SGCD: variants seen among roughly 807,000 people sequenced by gnomAD.
SGCD encodes the protein delta-sarcoglycan.
A neutral mutation model predicts 36.6 loss-of-function variants in SGCD; 18 were observed. That is an observed-to-expected ratio of 0.49 (90% CI 0.34 to 0.73). The LOEUF (loss-of-function observed/expected upper bound fraction) is 0.73, where lower values mean the gene tolerates loss of function less well. Among genes scored for constraint, SGCD ranks in the 30% least tolerant of loss-of-function variants. The probability of loss-of-function intolerance (pLI) is 0.01; values close to 1 mark genes in which losing one functional copy is unlikely to be tolerated. For synonymous variants in SGCD, 133 were observed against 130.6 expected (o/e 1.02, Z -0.12); for missense variants, 387 against 346.7 (o/e 1.12, Z -0.92).
upstream of SGCD, among the ~76,000 whole-genome samples, chr5:155,867,204 A>AAG (rs1318111292): frequency 6.6e-6 from 1 of 152,214 alleles, no homozygotes; most frequent in African/African-American, 2.4e-5. Flanking sequence ...CACCAAAGTA[A>AAG]AGAGAACAGG....
At chr5:156,062,242 T>A (rs1760234687) in intron 1 of SGCD, among the ~76,000 whole-genome samples, 2 of 61,768 alleles carry the variant, frequency 3.2e-5, no homozygotes, top group Admixed American at 3.2e-4. Context: ...TTCATCCATG[T>A]CCCTACAAAG....
chr5:156,396,043 G>A (rs1454931928), intron 3 of SGCD, among the ~76,000 whole-genome samples: 2 of 152,108 alleles, frequency 1.3e-5, no homozygotes, highest in Non-Finnish European at 2.9e-5. Flanking sequence ...TTAGAATTTT[G>A]AAAACTCAGA....
chr5:156,509,794 G>A (rs559947846), intron 4 of SGCD, among the ~76,000 whole-genome samples: 1 of 152,190 alleles, frequency 6.6e-6, no homozygotes, highest in East Asian at 1.9e-4. Context: ...AGTTGTGTGG[G>A]TTTCTTTTAG....
At chr5:155,811,329 A>AC in the SGCD span, among the ~76,000 whole-genome samples, 1 of 152,176 alleles carries the variant, frequency 6.6e-6, no homozygotes, top group Non-Finnish European at 1.5e-5. Context: ...TGAAACTAGC[A>AC]CCCAGTTCCA....
chr5:155,741,388 G>C, the SGCD span, among the ~76,000 whole-genome samples: 3 of 152,184 alleles, frequency 2.0e-5, no homozygotes, highest in East Asian at 1.9e-4. Context: ...CTGTAAGAGA[G>C]AGTTTTGCGG....
chr5:155,982,153 AAGGCGC>A (rs1299914302), intron 1 of SGCD, among the ~76,000 whole-genome samples: 1 of 152,090 alleles, frequency 6.6e-6, no homozygotes, highest in Admixed American at 6.5e-5. Context: ...AGGTGCCTTG[AAGGCGC>A]TATGAGAGAC....
intron 3 of SGCD, among the ~76,000 whole-genome samples, chr5:156,466,892 A>C (rs1561714389): frequency 6.6e-6 from 1 of 152,196 alleles, no homozygotes; most frequent in African/African-American, 2.4e-5. Flanking sequence ...TAATGAAGAA[A>C]GAGGCCACAA....
At chr5:156,463,497 T>G (rs1041085283) in intron 3 of SGCD, among the ~76,000 whole-genome samples, 4 of 152,114 alleles carry the variant, frequency 2.6e-5, no homozygotes, top group African/African-American at 9.7e-5. Context: ...TGAACTATAC[T>G]TTTTTTGGAT....
chr5:155,904,579 T>C (rs1756458493), intron 1 of SGCD, among the ~76,000 whole-genome samples: 1 of 152,204 alleles, frequency 6.6e-6, no homozygotes, highest in African/African-American at 2.4e-5. Context: ...TAAATGCTTA[T>C]ATAGTATGTA....
intron 3 of SGCD, among the ~76,000 whole-genome samples, chr5:156,346,847 G>C (rs994162278): frequency 6.6e-6 from 1 of 151,240 alleles, no homozygotes; most frequent in Non-Finnish European, 1.5e-5. Flanking sequence ...ACCCAGGCTA[G>C]AGTGCAGTGG....
intron 7 of SGCD, among the ~76,000 whole-genome samples, chr5:156,686,929 G>A (rs116644152): frequency 3.3e-5 from 5 of 152,206 alleles, no homozygotes; most frequent in East Asian, 1.9e-4. Context: ...ATTTATTAAC[G>A]TGTCTGATTC....
intron 7 of SGCD, among the ~76,000 whole-genome samples, chr5:156,755,847 G>C (rs146937353): frequency 3.2e-4 from 49 of 152,256 alleles, no homozygotes; most frequent in Non-Finnish European, 5.6e-4. Flanking sequence ...TGTAGGGGGG[G>C]ACAATTCAAG....
chr5:156,522,176 C>T (rs1757437971), intron 4 of SGCD, among the ~76,000 whole-genome samples: 1 of 151,972 alleles, frequency 6.6e-6, no homozygotes, highest in African/African-American at 2.4e-5. Flanking sequence ...GGGAACATCA[C>T]ACACCAGGGC....
chr5:155,901,688 A>G (rs1356832624), intron 1 of SGCD, among the ~76,000 whole-genome samples: 1 of 152,232 alleles, frequency 6.6e-6, no homozygotes, highest in Non-Finnish European at 1.5e-5. Flanking sequence ...CATATCTGAA[A>G]GCTTCTGGAA....
At chr5:155,815,679 G>C in the SGCD span, among the ~76,000 whole-genome samples, 3 of 152,152 alleles carry the variant, frequency 2.0e-5, no homozygotes, top group Non-Finnish European at 4.4e-5. Context: ...GAGGAAGAGA[G>C]AGCAGGGGAA....
intron 3 of SGCD, among the ~76,000 whole-genome samples, chr5:156,403,832 T>C (rs1025727000): frequency 2.5e-5 from 3 of 117,774 alleles, no homozygotes; most frequent in African/African-American, 1.1e-4. Context: ...TTCCCTGACA[T>C]ATTTTTTTTT....
chr5:155,985,771 A>T (rs1306210907), intron 1 of SGCD, among the ~76,000 whole-genome samples: 1 of 152,164 alleles, frequency 6.6e-6, no homozygotes, highest in Non-Finnish European at 1.5e-5. Context: ...CTCTCACTCC[A>T]TTACCTTTGA....
chr5:156,404,839 A>G (rs1163627363), intron 3 of SGCD, among the ~76,000 whole-genome samples: 1 of 152,194 alleles, frequency 6.6e-6, no homozygotes, highest in Admixed American at 6.5e-5. Context: ...GATATCTAAG[A>G]TGGCGGTCAA....
Position 156,482,813 on chromosome 5 carries a change from G to GTTTTTTT in SGCD, c.193-25769_193-25763dup, listed in dbSNP as rs3074979. ...GCAGGTAGTATTATCCTTTTGGTCAGTTTTTTTTTTTTTTTTTTTTTTTTT... is the reference window on the plus strand; with the variant it reads ...GCAGGTAGTATTATCCTTTTGGTCAGTTTTTTTTTTTTTTTTTTTTTTTTTTTTTTTT... On this transcript the variant is annotated intron_variant, in intron 3 of 8. Coordinates refer to ENST00000337851, the MANE Select transcript of SGCD (RefSeq NM_000337.6). 6.1e-3 allele frequency among the ~76,000 whole-genome samples: 509 copies of GTTTTTTT among 83,384 alleles called. 63 individuals are homozygous for GTTTTTTT. The highest frequency in any genetic ancestry group is 6.5e-3 in the Non-Finnish European group (307 of 47,304). The allele number at this position is 83,384 out of a possible 152,430, so 54.7% of individuals were successfully genotyped here. A position where few individuals can be genotyped will look rare whatever the true frequency, so the allele number is the denominator to read the frequency against.
Sources: allele counts gnomAD v4.1 joint callset (sites outside exome capture counted in the v4.1 genomes callset), GRCh38; gene constraint gnomAD v4.1.1; transcripts MANE v1.5; gene names NCBI Gene and HGNC (gene_info 2026-07-23, HGNC 2026-07-21).